Variants in ZNF407 observed in about 807,000 individuals in gnomAD.
ZNF407 encodes the protein zinc finger protein 407.
A neutral mutation model predicts 131.2 loss-of-function variants in ZNF407; 17 were observed. The ratio of observed to expected loss-of-function variants is 0.13; its 90% confidence interval spans 0.09 to 0.19. ZNF407 has a LOEUF of 0.19. ZNF407 is among the 10% of genes least tolerant of loss of function. The pLI, the probability that ZNF407 is intolerant of heterozygous loss-of-function variation, is 1.00. For synonymous variants in ZNF407, 1,156 were observed against 1,062.0 expected, an observed-to-expected ratio of 1.09 and a Z score of -1.72; for missense variants, 2,681 against 2,830.6, an observed-to-expected ratio of 0.95 and a Z score of 1.20.
At chr18:74,763,706 T>TTTTTTTTTTTTTTTTTG in intron 3 of ZNF407, among the ~76,000 whole-genome samples, 1 of 2,560 alleles carries the variant, frequency 3.9e-4, no homozygotes, top group African/African-American at 4.4e-4. Context: ...TTATCTTTGA[T>TTTTTTTTTTTTTTTTTG]TTTTTTTTTT....
chr18:74,988,561 T>C (rs1972680718), intron 8 of ZNF407, among the ~76,000 whole-genome samples: 1 of 151,300 alleles, frequency 6.6e-6, no homozygotes. Context: ...AAAGAACAAA[T>C]CACCACTCAA....
intron 4 of ZNF407, among the ~76,000 whole-genome samples, chr18:74,830,899 AAT>A (rs201796706): frequency 0.013 from 1,996 of 152,224 alleles, 16 homozygotes; most frequent in Non-Finnish European, 0.022. Flanking sequence ...TCATTTAACC[AAT>A]GTCTCCCTAT....
intron 8 of ZNF407, among the ~76,000 whole-genome samples, chr18:75,021,854 A>G (rs1973114587): frequency 6.6e-6 from 1 of 152,050 alleles, no homozygotes; most frequent in Admixed American, 6.5e-5. Flanking sequence ...ATATAACTAT[A>G]TAAGCTACAT....
chr18:74,607,608 GT>G (rs1982866895), intron 1 of ZNF407, among the ~76,000 whole-genome samples: 1 of 152,200 alleles, frequency 6.6e-6, no homozygotes, highest in African/African-American at 2.4e-5. Flanking sequence ...GTGAGGCCCA[GT>G]CTTAGCAACG....
At position 74,998,426 on chromosome 18, in the gene ZNF407, T is replaced by C. The variant is rs144415191; in HGVS notation, c.5429-64724T>C. On this transcript the variant is annotated intron_variant, in intron 8 of 8. Transcript: ENST00000299687. ...GGCCTTTGATGGGTCAAAATACCTGTCTGTGTTCTCCTCTAATCCACTTTT... is the reference window on the plus strand; with the variant it reads ...GGCCTTTGATGGGTCAAAATACCTGCCTGTGTTCTCCTCTAATCCACTTTT... 8.0e-3 allele frequency among the ~76,000 whole-genome samples: 1,214 copies of C among 152,316 alleles called. 10 individuals are homozygous for C. The highest frequency in any genetic ancestry group is 0.022 in the African/African-American group (906 of 41,570).
chr18:74,957,267 G>A (rs1184034627), intron 8 of ZNF407, among the ~76,000 whole-genome samples: 2 of 152,100 alleles, frequency 1.3e-5, no homozygotes, highest in African/African-American at 4.8e-5. Flanking sequence ...GTTCTACCAT[G>A]GGGGCAACCG....
chr18:74,661,810 T>C (rs1985727004), intron 3 of ZNF407, among the ~76,000 whole-genome samples: 1 of 152,250 alleles, frequency 6.6e-6, no homozygotes, highest in African/African-American at 2.4e-5. Flanking sequence ...TATTTTTAGA[T>C]CTCTTTACTC....
intron 8 of ZNF407, among the ~76,000 whole-genome samples, chr18:75,037,186 G>C (rs1010313786): frequency 2.0e-5 from 3 of 152,158 alleles, no homozygotes. Context: ...TCTATATTTA[G>C]CCATTCTGAG....
At chr18:74,857,566 T>TA (rs892629534) in intron 4 of ZNF407, among the ~76,000 whole-genome samples, 67 of 149,620 alleles carry the variant, frequency 4.5e-4, no homozygotes, top group African/African-American at 1.4e-3. Flanking sequence ...TAACACATTC[T>TA]AAAAAAAAAA....
intron 8 of ZNF407, among the ~76,000 whole-genome samples, chr18:75,060,545 G>C (rs1321084519): frequency 5.6e-5 from 7 of 126,126 alleles, no homozygotes; most frequent in Non-Finnish European, 9.3e-5. Flanking sequence ...TCGCTCTGTC[G>C]CCCAGGCTGG....
chr18:74,692,772 G>A (rs555123048), intron 3 of ZNF407, among the ~76,000 whole-genome samples: 6 of 152,182 alleles, frequency 3.9e-5, no homozygotes, highest in African/African-American at 1.4e-4. Flanking sequence ...GAGCTGAGAG[G>A]CCTTCTTAGC....
intron 4 of ZNF407, among the ~76,000 whole-genome samples, chr18:74,865,930 G>A (rs746354716): frequency 1.3e-5 from 2 of 152,116 alleles, no homozygotes; most frequent in African/African-American, 4.8e-5. Context: ...GCTTAGTGGA[G>A]GCATGTGTCA....
At chr18:74,932,157 T>C (rs1971990049) in intron 8 of ZNF407, among the ~76,000 whole-genome samples, 1 of 152,254 alleles carries the variant, frequency 6.6e-6, no homozygotes, top group Non-Finnish European at 1.5e-5. Context: ...AGAAGCTTTA[T>C]GCTTTTATTA....
intron 1 of ZNF407, among the ~76,000 whole-genome samples, chr18:74,622,816 CTG>C (rs1983581104): frequency 7.7e-6 from 1 of 130,104 alleles, no homozygotes; most frequent in Non-Finnish European, 1.7e-5. Context: ...GTGAATATGT[CTG>C]AATGTGAGTA....
intron 8 of ZNF407, among the ~76,000 whole-genome samples, chr18:75,001,592 A>C (rs1214744498): frequency 6.6e-6 from 1 of 152,234 alleles, no homozygotes; most frequent in Non-Finnish European, 1.5e-5. Flanking sequence ...AGGAAACAGA[A>C]TGCGTTCAAC....
intron 4 of ZNF407, among the ~76,000 whole-genome samples, chr18:74,874,745 T>A (rs1037089486): frequency 2.6e-5 from 4 of 151,468 alleles, no homozygotes; most frequent in African/African-American, 9.8e-5. Context: ...GGCATTTAAT[T>A]TTTTTTTCTG....
chr18:74,645,462 T>C (rs1284283804), intron 3 of ZNF407, among the ~76,000 whole-genome samples: 1 of 152,116 alleles, frequency 6.6e-6, no homozygotes, highest in Non-Finnish European at 1.5e-5. Context: ...GTTAAATAGT[T>C]GAAATGAATT....
chr18:74,941,196 A>C (rs1023139176), intron 8 of ZNF407, among the ~76,000 whole-genome samples: 1 of 152,194 alleles, frequency 6.6e-6, no homozygotes. Context: ...GGTTTCTGTA[A>C]TGTACTTAGC....
intron 8 of ZNF407, among the ~76,000 whole-genome samples, chr18:75,007,795 G>T (rs996440226): frequency 6.6e-6 from 1 of 152,154 alleles, no homozygotes; most frequent in African/African-American, 2.4e-5. Context: ...TATGTTCACA[G>T]GTAATGACAC....
Sources: allele counts gnomAD v4.1 joint callset (sites outside exome capture counted in the v4.1 genomes callset), GRCh38; gene constraint gnomAD v4.1.1; transcripts MANE v1.5; gene names NCBI Gene and HGNC (gene_info 2026-07-23, HGNC 2026-07-21).